C2CD2: variants seen among roughly 807,000 people sequenced by gnomAD.
C2CD2 encodes C2 calcium dependent domain containing 2.
In C2CD2, 43 loss-of-function variants were observed where a neutral mutation model predicts 74.3. The observed-to-expected ratio is 0.58, with a 90% CI of 0.45 to 0.75. The LOEUF is 0.75. C2CD2 is among the 30% of genes least tolerant of loss of function. C2CD2 has a pLI of 0.00. For synonymous variants in C2CD2, 422 were observed against 390.7 expected, an observed-to-expected ratio of 1.08 and a Z score of -0.94; for missense variants, 801 against 916.3, an observed-to-expected ratio of 0.87 and a Z score of 1.63.
intron 2 of C2CD2, among the ~76,000 whole-genome samples, chr21:41,938,167 G>GTA (rs369249753): frequency 0.044 from 6,536 of 146,968 alleles, 331 homozygotes; most frequent in African/African-American, 0.13. Context: ...TTCCACACGT[G>GTA]TATATATATA....
At chr21:41,940,650 G>C (rs982094823) in intron 2 of C2CD2, among the ~76,000 whole-genome samples, 1 of 152,258 alleles carries the variant, frequency 6.6e-6, no homozygotes, top group Non-Finnish European at 1.5e-5. Context: ...ACTGTAGGTA[G>C]GAAGAGGAGG....
rs1333283804 is a variant in C2CD2 at position 41,901,877 on chromosome 21, C to T, written c.1433-128G>A. 7.4e-6 allele frequency: 6 copies of T among 805,962 alleles called. No individual in the cohort carries two copies. The African/African-American group carries it at 1.0e-4, about 14-fold the overall frequency. The allele number at this position is 805,962 out of a possible 1,614,324, so 49.9% of individuals were successfully genotyped here. ...TATTTTCTAAAAGGGGCCAAAGGGT[C>T]AATTGTTTAGGCTTTGTTGGTGGTC... On this transcript the variant is annotated intron_variant, in intron 11 of 13. Transcript: ENST00000380486.
intron 13 of C2CD2, among the ~76,000 whole-genome samples, chr21:41,893,138 T>C (rs13051973): frequency 0.23 from 35,707 of 152,126 alleles, 4,599 homozygotes; most frequent in Non-Finnish European, 0.3. Context: ...CAAGACCCCA[T>C]CTCTATTTTT....
In C2CD2 at chr21:41,907,641, G is replaced by T. The variant is rs367834849; in HGVS notation, c.1143+19C>A. ...TGCCCCAAGCCGGAACCCGGCCGCG[G>T]CGGACAGCCTCGCCCTACCTCTGCC... is the stretch of plus-strand genomic sequence containing the variant. On this transcript the variant is annotated intron_variant, in intron 9 of 13. Coordinates refer to ENST00000380486, the MANE Select transcript of C2CD2 (RefSeq NM_015500.2). The T allele has an allele frequency of 1.2e-6, 2 of 1,602,000 alleles. No individual in the cohort carries two copies. Among genetic ancestry groups the T allele is most frequent in the Non-Finnish European group, 1.7e-6 (2 of 1,175,988 alleles).
In C2CD2 at chr21:41,923,047, G is replaced by C. The variant is rs1449007181; in HGVS notation, c.379-962C>G. ...GTTTCACTCTGTCGCCCAGGTTGGA[G>C]TGCAGTGGCACAATCTTAGCTCACT... On this transcript the variant is annotated intron_variant, in intron 2 of 13. Coordinates refer to ENST00000380486, the MANE Select transcript of C2CD2 (RefSeq NM_015500.2). The surrounding 1 kb of genome is among the most constrained non-coding windows in gnomAD (Gnocchi z 5.8). Among the ~76,000 whole-genome samples the C allele has an allele frequency of 6.7e-6, 1 of 150,286 alleles. No homozygotes were observed. The highest frequency in any genetic ancestry group is 1.5e-5 in the Non-Finnish European group (1 of 67,836).
rs1289453226 is a variant in C2CD2, at chr21:41,892,203, C to A, written c.1871-2859G>T. ...ATTGTGAAGGGTCACAGGAAGGATGCCACGTGAAGATGAAGGCAGAGCACA... is the reference window on the plus strand; with the variant it reads ...ATTGTGAAGGGTCACAGGAAGGATGACACGTGAAGATGAAGGCAGAGCACA... On this transcript the variant is annotated intron_variant, in intron 13 of 13. Coordinates refer to ENST00000380486, the MANE Select transcript of C2CD2 (RefSeq NM_015500.2). This position sits in a 1 kb window ranked among gnomAD's most constrained non-coding sequence, Gnocchi z 4.6. Among the ~76,000 whole-genome samples the A allele has an allele frequency of 6.6e-6, 1 of 152,092 alleles. No individual in the cohort carries two copies. The highest frequency in any genetic ancestry group is 2.4e-5 in the African/African-American group (1 of 41,416).
intron 7 of C2CD2, among the ~76,000 whole-genome samples, chr21:41,910,392 T>A (rs1299208920): frequency 6.6e-6 from 1 of 152,190 alleles, no homozygotes; most frequent in Non-Finnish European, 1.5e-5. Flanking sequence ...TCTAATTGCC[T>A]GTCAAATGGC....
rs1032328759 is a variant in C2CD2 at position 41,945,714 on chromosome 21, A to G, written c.280-3469T>C. On this transcript the variant is annotated intron_variant, in intron 1 of 13. Coordinates refer to ENST00000380486, the MANE Select transcript of C2CD2 (RefSeq NM_015500.2). This position sits in a 1 kb window ranked among gnomAD's most constrained non-coding sequence, Gnocchi z 4.2. ...AGTCTCTCCCATACTGTTCTCATAT[A>G]GTGAGTTCTCACAAGATCTGATGCT... 6.6e-6 allele frequency among the ~76,000 whole-genome samples: 1 copy of G among 152,196 alleles called. No individual in the cohort carries two copies. The highest frequency in any genetic ancestry group is 1.5e-5 in the Non-Finnish European group (1 of 68,040).
intron 4 of C2CD2, among the ~76,000 whole-genome samples, chr21:41,918,599 T>A (rs570993846): frequency 1.2e-4 from 18 of 152,028 alleles, no homozygotes; most frequent in African/African-American, 2.2e-4. Flanking sequence ...GTTTTTTTTT[T>A]AAATGGCCAG....
At chr21:41,901,457 A>G (rs2064895585) in intron 12 of C2CD2, 165 bp downstream of exon 12, 1 of 737,672 alleles carries the variant, frequency 1.4e-6, no homozygotes, top group Non-Finnish European at 2.4e-6. Context: ...TAAACACAAC[A>G]CCACACATGA....
intron 8 of C2CD2, chr21:41,908,400 G>GA (rs2146170810): frequency 6.5e-6 from 1 of 153,010 alleles, no homozygotes; most frequent in Non-Finnish European, 1.5e-5. Context: ...TGTAAAGTTC[G>GA]AAATTTCATG....
chr21:41,889,932 C>G (rs890574490), intron 13 of C2CD2, among the ~76,000 whole-genome samples: 1 of 152,188 alleles, frequency 6.6e-6, no homozygotes, highest in African/African-American at 2.4e-5. Flanking sequence ...GCATGAGCCA[C>G]CACACCTGGC....
chr21:41,948,100 T>C (rs1442452530), intron 1 of C2CD2, among the ~76,000 whole-genome samples: 2 of 152,234 alleles, frequency 1.3e-5, no homozygotes, highest in Admixed American at 1.3e-4. Context: ...CATCAGAGCC[T>C]CCTTTAATGT....
rs747556672 is a variant in C2CD2 at position 41,907,210 on chromosome 21, G to T, written c.1144-44C>A. 1.4e-5 allele frequency: 21 copies of T among 1,544,774 alleles called. 1 individual carries two copies. In the Middle Eastern group the frequency reaches 2.0e-3, roughly 149 times the overall value. On this transcript the variant is annotated intron_variant, in intron 9 of 13. Transcript: ENST00000380486. ...ACTTGTTTCTGGTTTTGTGGAAGTT[G>T]CCCAGGCTGATCAGCCAGGTAACAC...
intron 2 of C2CD2, among the ~76,000 whole-genome samples, chr21:41,928,699 C>T (rs2065238043): frequency 6.6e-6 from 1 of 152,176 alleles, no homozygotes; most frequent in African/African-American, 2.4e-5. Flanking sequence ...CCCCCACCCC[C>T]CAATCCCGCA....
chr21:41,925,531 G>A (rs1352323867), intron 2 of C2CD2, among the ~76,000 whole-genome samples: 2 of 152,206 alleles, frequency 1.3e-5, no homozygotes, highest in Admixed American at 1.3e-4. Context: ...CACTTGGAGG[G>A]ATAAACATTA....
chr21:41,887,396 G>T lies in C2CD2; in HGVS notation c.*1728C>A, dbSNP rs554111870. ...GGAACACCTAAGAAGTTTGTAATGC[G>T]CATTTTAAAGTGAAATTCCTAATGT... On this transcript the variant is annotated 3_prime_UTR_variant, in exon 14 of 14. Transcript: ENST00000380486. 6.6e-6 allele frequency: 1 copy of T among 151,856 alleles called. No homozygotes were observed. The highest frequency in any genetic ancestry group is 1.5e-5 in the Non-Finnish European group (1 of 67,994). The allele number at this position is 151,856 out of a possible 1,614,324, so 9.4% of individuals were successfully genotyped here. A position where few individuals can be genotyped will look rare whatever the true frequency, so the allele number is the denominator to read the frequency against.
At position 41,953,558 on chromosome 21, in the gene C2CD2, G is replaced by C; in HGVS notation, c.91C>G (p.Leu31Val). 1 of 1,497,386 alleles carries C rather than the reference G, an allele frequency of 6.7e-7. No homozygotes were observed. The highest frequency in any genetic ancestry group is 8.8e-7 in the Non-Finnish European group (1 of 1,131,854). The allele number at this position is 1,497,386 out of a possible 1,614,324, so 92.8% of individuals were successfully genotyped here. A position where few individuals can be genotyped will look rare whatever the true frequency, so the allele number is the denominator to read the frequency against. ...LFVAALATVG[L>V]YLAQWALARA... ...GCCAGCGCCCACTGCGCCAGGTACA[G>C]GCCTACCGTGGCCAGGGCCGCGACG... is the stretch of plus-strand genomic sequence containing the variant. The change falls in exon 1 of 14, where the codon CTG (leucine) becomes GTG (valine). Residue 31 changes from leucine to valine, a missense_variant. Transcript: ENST00000380486.
rs1601536752 is a variant in C2CD2, at chr21:41,889,056, G to GCT, written c.*66_*67dup. The GCT allele has an allele frequency of 1.2e-5, 14 of 1,163,206 alleles. No homozygotes were observed. The highest frequency in any genetic ancestry group is 1.7e-5 in the Non-Finnish European group (13 of 778,748). 72.1% of individuals were successfully genotyped at this position (1,163,206 alleles called of 1,614,324 possible). The stretch of plus-strand genomic sequence containing the variant: ...ATCTGGACATCCGGCGGACACACTG[G>GCT]CTGCGTCCTGGTGAGGGTAGTTAAC... On this transcript the variant is annotated 3_prime_UTR_variant, in exon 14 of 14. Transcript: ENST00000380486.
Sources: gnomAD v4.1 joint callset for allele counts (sites outside exome capture counted in the v4.1 genomes callset) on GRCh38, gnomAD v4.1.1 for gene constraint, Gnocchi (gnomAD v3.1) non-coding constraint, MANE v1.5 for transcripts, NCBI Gene and HGNC (gene_info 2026-07-23, HGNC 2026-07-21) for gene names.